NELL1: variants seen among roughly 807,000 people sequenced by gnomAD.
NELL1 encodes protein kinase C-binding protein NELL1.
Under a neutral mutation model 107.4 loss-of-function variants are expected in NELL1, and 76 were observed. The observed-to-expected ratio is 0.71, with a 90% CI of 0.59 to 0.86. The LOEUF (loss-of-function observed/expected upper bound fraction) is 0.86, where lower values mean the gene tolerates loss of function less well. NELL1 is among the 40% of genes least tolerant of loss of function. The pLI is 0.00. For missense variants in NELL1, 1,024 were observed against 1,005.5 expected (o/e 1.02, Z -0.25); for synonymous variants, 353 against 341.2 (o/e 1.03, Z -0.38).
chr11:20,959,056 C>G (rs916125025), intron 11 of NELL1, among the ~76,000 whole-genome samples: 2 of 152,180 alleles, frequency 1.3e-5, no homozygotes, highest in Admixed American at 1.3e-4. Flanking sequence ...CCTGCTTTGT[C>G]AGCTAAGTTT....
intron 5 of NELL1, among the ~76,000 whole-genome samples, chr11:20,904,658 A>G (rs1564959695): frequency 6.6e-6 from 1 of 152,220 alleles, no homozygotes; most frequent in Middle Eastern, 3.4e-3. Flanking sequence ...CAAAGCTTTC[A>G]TCTTTGGCTG....
intron 10 of NELL1, among the ~76,000 whole-genome samples, chr11:20,944,240 G>A (rs1440330556): frequency 6.6e-6 from 1 of 151,998 alleles, no homozygotes; most frequent in Non-Finnish European, 1.5e-5. Context: ...ATTTTCCTGG[G>A]ATCATTTTAA....
intron 2 of NELL1, among the ~76,000 whole-genome samples, chr11:20,712,901 T>C (rs1408177585): frequency 6.6e-6 from 1 of 152,216 alleles, no homozygotes; most frequent in Non-Finnish European, 1.5e-5. Context: ...AAATAGACTC[T>C]ATGGGAGTCC....
intron 12 of NELL1, among the ~76,000 whole-genome samples, chr11:21,004,707 G>A (rs920450657): frequency 6.6e-6 from 1 of 151,984 alleles, no homozygotes; most frequent in African/African-American, 2.4e-5. Flanking sequence ...AAGATGAAGG[G>A]CCATCCTTGT....
intron 5 of NELL1, among the ~76,000 whole-genome samples, chr11:20,892,447 G>T (rs1452090351): frequency 6.6e-6 from 1 of 152,196 alleles, no homozygotes. Context: ...TCCTATGTGA[G>T]GCTGTGGAGA....
intron 5 of NELL1, among the ~76,000 whole-genome samples, chr11:20,891,739 A>G (rs895985068): frequency 6.6e-6 from 1 of 152,222 alleles, no homozygotes; most frequent in South Asian, 2.1e-4. Context: ...CAGACTTTAA[A>G]CCGACAAAGA....
intron 2 of NELL1, among the ~76,000 whole-genome samples, chr11:20,706,505 C>G (rs1475817664): frequency 1.9e-5 from 2 of 105,024 alleles, no homozygotes; most frequent in South Asian, 3.4e-4. Context: ...ACATCACACA[C>G]TGGGGACTGT....
intron 11 of NELL1, among the ~76,000 whole-genome samples, chr11:20,954,806 C>T (rs1241032479): frequency 6.6e-6 from 1 of 152,132 alleles, no homozygotes; most frequent in Non-Finnish European, 1.5e-5. Context: ...CCTTGAAATA[C>T]AATTTACTCA....
intron 2 of NELL1, among the ~76,000 whole-genome samples, chr11:20,742,871 A>G (rs980432535): frequency 1.3e-5 from 2 of 152,122 alleles, no homozygotes; most frequent in African/African-American, 4.8e-5. Context: ...TTGGAGGTGG[A>G]AGAGCTGTGG....
intron 12 of NELL1, among the ~76,000 whole-genome samples, chr11:20,972,882 T>C (rs1435041369): frequency 2.0e-5 from 3 of 152,136 alleles, no homozygotes; most frequent in Admixed American, 2.0e-4. Context: ...GATGCAATGG[T>C]GGACATGGAA....
chr11:21,004,775 A>G (rs1852294698), intron 12 of NELL1, among the ~76,000 whole-genome samples: 1 of 152,122 alleles, frequency 6.6e-6, no homozygotes, highest in Admixed American at 6.6e-5. Context: ...AGCATATAGT[A>G]TATTAAAAAA....
At chr11:21,297,778 G>C (rs1288422915) in intron 14 of NELL1, among the ~76,000 whole-genome samples, 1 of 151,982 alleles carries the variant, frequency 6.6e-6, no homozygotes, top group Admixed American at 6.6e-5. Flanking sequence ...GTATTGTAAT[G>C]GAGGTATAAG....
chr11:21,496,060 A>G (rs1854969070), intron 15 of NELL1, among the ~76,000 whole-genome samples: 1 of 152,112 alleles, frequency 6.6e-6, no homozygotes, highest in African/African-American at 2.4e-5. Context: ...AGACTTGGCT[A>G]TAAGGTCACG....
At chr11:21,415,478 C>A (rs1016532604) in intron 15 of NELL1, among the ~76,000 whole-genome samples, 2 of 152,050 alleles carry the variant, frequency 1.3e-5, no homozygotes, top group African/African-American at 4.8e-5. Flanking sequence ...TCTTGTTGAT[C>A]TGTATGCATC....
chr11:20,747,993 C>T (rs551960587), intron 2 of NELL1, among the ~76,000 whole-genome samples: 91 of 152,244 alleles, frequency 6.0e-4, no homozygotes, highest in African/African-American at 1.9e-3. Context: ...GGTTGGATTG[C>T]AAAGCTCCAA....
chr11:21,547,974 C>T (rs1483685656), intron 16 of NELL1, among the ~76,000 whole-genome samples: 1 of 151,704 alleles, frequency 6.6e-6, no homozygotes, highest in African/African-American at 2.4e-5. Context: ...AAGTTTCTAC[C>T]GATTCCTAAA....
intron 14 of NELL1, among the ~76,000 whole-genome samples, chr11:21,295,569 G>A (rs1849357261): frequency 6.6e-6 from 1 of 152,054 alleles, no homozygotes; most frequent in South Asian, 2.1e-4. Context: ...TGTAAGAAAT[G>A]TAGCCAGTTC....
At chr11:20,929,342 C>T (rs1850567897) in intron 9 of NELL1, among the ~76,000 whole-genome samples, 1 of 152,110 alleles carries the variant, frequency 6.6e-6, no homozygotes. Flanking sequence ...AGCATGTCAC[C>T]TATTATGACA....
At chr11:20,834,621 T>G (rs1023589880) in intron 3 of NELL1, among the ~76,000 whole-genome samples, 1 of 151,518 alleles carries the variant, frequency 6.6e-6, no homozygotes, top group Non-Finnish European at 1.5e-5. Context: ...GAGAATGGTG[T>G]GAACCCAGGA....
Sources: allele counts gnomAD v4.1 joint callset (sites outside exome capture counted in the v4.1 genomes callset), GRCh38; gene constraint gnomAD v4.1.1; transcripts MANE v1.5; gene names NCBI Gene and HGNC (gene_info 2026-07-23, HGNC 2026-07-21).